The following FNIP1 variants were observed in gnomAD, a reference collection of about 807,000 sequenced individuals.
FNIP1 encodes the protein folliculin interacting protein 1, also known as folliculin-interacting protein 1.
Under a neutral mutation model 124.5 loss-of-function variants are expected in FNIP1, and 40 were observed. The ratio of observed to expected loss-of-function variants is 0.32; its 90% confidence interval spans 0.25 to 0.42. The LOEUF (loss-of-function observed/expected upper bound fraction) is 0.42. FNIP1 is among the 10% of genes least tolerant of loss of function. The pLI is 1.00. For missense variants in FNIP1, 1,176 were observed against 1,403.7 expected, an observed-to-expected ratio of 0.84 and a Z score of 2.59; for synonymous variants, 472 against 470.6, an observed-to-expected ratio of 1.00 and a Z score of -0.04.
At chr5:131,740,975 A>G (rs1039559069) in intron 2 of FNIP1, among the ~76,000 whole-genome samples, 10 of 151,666 alleles carry the variant, frequency 6.6e-5, no homozygotes, top group African/African-American at 2.4e-4. Flanking sequence ...AAATTACAGT[A>G]TATGGTGTAA....
At chr5:131,711,364 T>C (rs1769286093) in intron 6 of FNIP1, among the ~76,000 whole-genome samples, 1 of 152,154 alleles carries the variant, frequency 6.6e-6, no homozygotes, top group Admixed American at 6.5e-5. Flanking sequence ...AAGAAGGACA[T>C]TATAGCCTGA....
intron 1 of FNIP1, among the ~76,000 whole-genome samples, chr5:131,778,529 C>T (rs1470311500): frequency 2.8e-5 from 4 of 140,908 alleles, no homozygotes; most frequent in East Asian, 4.1e-4. Flanking sequence ...GAAATAGGAA[C>T]ACTTTTACAC....
chr5:131,673,042 CGTTT>C (rs1767812267), intron 13 of FNIP1, 118 bp from the exon 14 acceptor site: 1 of 691,280 alleles, frequency 1.4e-6, no homozygotes, highest in Non-Finnish European at 2.2e-6. Flanking sequence ...AGGTTTTACT[CGTTT>C]TTTTGTTTTT....
intron 1 of FNIP1, among the ~76,000 whole-genome samples, chr5:131,746,430 TG>T (rs1045821827): frequency 2.0e-5 from 3 of 152,182 alleles, no homozygotes; most frequent in African/African-American, 7.2e-5. Context: ...CTCTCCCTCC[TG>T]CCTTGCTCTA....
chr5:131,697,526 T>C (rs1205564675), intron 11 of FNIP1, among the ~76,000 whole-genome samples: 1 of 152,164 alleles, frequency 6.6e-6, no homozygotes, highest in Non-Finnish European at 1.5e-5. Context: ...TGAAGTTTCA[T>C]GTTGAAATAG....
chr5:131,731,518 G>T (rs541252549), intron 2 of FNIP1, among the ~76,000 whole-genome samples: 2 of 152,120 alleles, frequency 1.3e-5, no homozygotes, highest in African/African-American at 4.8e-5. Flanking sequence ...GCTGGGCATG[G>T]TGGCACATGC....
chr5:131,697,741 G>A (rs1476110592), intron 11 of FNIP1, among the ~76,000 whole-genome samples: 10 of 151,662 alleles, frequency 6.6e-5, no homozygotes, highest in African/African-American at 2.4e-4. Context: ...CAAGGTGGGC[G>A]GATCATTTGA....
intron 6 of FNIP1, 116 bp from the exon 7 acceptor site, chr5:131,710,777 A>C: frequency 1.5e-6 from 1 of 649,832 alleles, no homozygotes; most frequent in Non-Finnish European, 2.6e-6. Flanking sequence ...ATATGGATGG[A>C]AACTTTTAAA....
At chr5:131,689,621 T>C (rs1240743123) in intron 11 of FNIP1, among the ~76,000 whole-genome samples, 1 of 152,162 alleles carries the variant, frequency 6.6e-6, no homozygotes, top group African/African-American at 2.4e-5. Flanking sequence ...TAAATGTGTA[T>C]TGCCAACTAT....
intron 2 of FNIP1, among the ~76,000 whole-genome samples, chr5:131,742,658 A>C (rs1299153116): frequency 6.6e-6 from 1 of 152,272 alleles, no homozygotes; most frequent in Non-Finnish European, 1.5e-5. Flanking sequence ...AATATTGTAC[A>C]AATACAGCAA....
At chr5:131,738,058 G>GT (rs1770374718) in intron 2 of FNIP1, among the ~76,000 whole-genome samples, 1 of 152,096 alleles carries the variant, frequency 6.6e-6, no homozygotes, top group East Asian at 1.9e-4. Context: ...CTCAGTATAG[G>GT]TTTTTTTGCT....
intron 15 of FNIP1, among the ~76,000 whole-genome samples, chr5:131,656,720 C>T (rs1159264937): frequency 1.3e-5 from 2 of 151,990 alleles, no homozygotes; most frequent in African/African-American, 4.8e-5. Flanking sequence ...AGGTATCTGC[C>T]TGAACAGGTT....
chr5:131,678,945 C>A (rs1767990368), intron 12 of FNIP1, 84 bp downstream of exon 12: 1 of 913,266 alleles, frequency 1.1e-6, no homozygotes. Flanking sequence ...TAAAATAATT[C>A]CAAAGATAAT....
rs143870463 is a variant in FNIP1 at position 131,710,720 on chromosome 5, G to A, written c.623-59C>T. 4.2e-4 allele frequency: 618 copies of A among 1,481,380 alleles called. 6 individuals carry two copies. The Admixed American group carries it at 6.8e-3, about 16-fold the overall frequency. 91.8% of individuals were successfully genotyped at this position (1,481,380 alleles called of 1,614,324 possible). On this transcript the variant is annotated intron_variant, in intron 6 of 17. Transcript: ENST00000510461. ...AGGACTGTTAGAGAAGCCACAATGCGTCAGGGAAAAAAGGTGAGCTAAGGC... is the reference window on the plus strand; with the variant it reads ...AGGACTGTTAGAGAAGCCACAATGCATCAGGGAAAAAAGGTGAGCTAAGGC...
chr5:131,692,927 G>C (rs949266398), intron 11 of FNIP1, among the ~76,000 whole-genome samples: 1 of 151,682 alleles, frequency 6.6e-6, no homozygotes. Context: ...AGAATCACTT[G>C]AACCCAGGAG....
chr5:131,744,445 C>G (rs532012004), intron 2 of FNIP1, 119 bp downstream of exon 2: 1 of 981,664 alleles, frequency 1.0e-6, no homozygotes, highest in East Asian at 2.8e-5. Context: ...TTTCCTTCTC[C>G]CTCAGCCCCA....
intron 1 of FNIP1, among the ~76,000 whole-genome samples, chr5:131,773,967 G>C (rs1176555530): frequency 2.0e-5 from 3 of 152,156 alleles, no homozygotes; most frequent in Admixed American, 6.5e-5. Flanking sequence ...GGAGCAGGGG[G>C]AGGATGTGCC....
chr5:131,740,959 A>T (rs1386119067), intron 2 of FNIP1, among the ~76,000 whole-genome samples: 2 of 152,200 alleles, frequency 1.3e-5, no homozygotes, highest in Non-Finnish European at 2.9e-5. Flanking sequence ...CACTGGCAAC[A>T]TCAGTAAATT....
At chr5:131,746,489 A>G (rs1770685658) in intron 1 of FNIP1, among the ~76,000 whole-genome samples, 1 of 152,142 alleles carries the variant, frequency 6.6e-6, no homozygotes, top group African/African-American at 2.4e-5. Flanking sequence ...ATGAGTATCC[A>G]ATGTTTAGCT....
Sources: allele counts gnomAD v4.1 joint callset (sites outside exome capture counted in the v4.1 genomes callset), GRCh38; gene constraint gnomAD v4.1.1; transcripts MANE v1.5; gene names NCBI Gene and HGNC (gene_info 2026-07-23, HGNC 2026-07-21).